Variants in ADAMTS18 observed in about 807,000 individuals in gnomAD.
ADAMTS18 encodes ADAM metallopeptidase with thrombospondin type 1 motif 18.
A neutral mutation model predicts 165.9 loss-of-function variants in ADAMTS18; 157 were observed. The observed-to-expected ratio is 0.95, with a 90% CI of 0.83 to 1.08. The LOEUF (loss-of-function observed/expected upper bound fraction) is 1.08. Ranked by LOEUF, ADAMTS18 falls within the 50% of genes least tolerant of loss-of-function variation. The pLI, the probability that ADAMTS18 is intolerant of heterozygous loss-of-function variation, is 0.00. For synonymous variants in ADAMTS18, 782 were observed against 578.2 expected, an observed-to-expected ratio of 1.35 and a Z score of -5.06; for missense variants, 2,040 against 1,534.0, an observed-to-expected ratio of 1.33 and a Z score of -5.51.
intron 16 of ADAMTS18, among the ~76,000 whole-genome samples, chr16:77,304,847 T>C (rs955775110): frequency 1.3e-5 from 2 of 152,238 alleles, no homozygotes; most frequent in African/African-American, 4.8e-5. Context: ...CAGTAGCATA[T>C]AGAGCATATT....
chr16:77,366,535 G>C (rs891599759), intron 4 of ADAMTS18, among the ~76,000 whole-genome samples: 1 of 152,026 alleles, frequency 6.6e-6, no homozygotes, highest in South Asian at 2.1e-4. Flanking sequence ...CTCCAGCCTG[G>C]GCGAAAGAGT....
chr16:77,347,835 C>G (rs2056500077), intron 10 of ADAMTS18, among the ~76,000 whole-genome samples: 4 of 152,226 alleles, frequency 2.6e-5, no homozygotes, highest in African/African-American at 9.6e-5. Context: ...CTACCCAGAT[C>G]CAATTTTAAT....
At chr16:77,325,614 T>C (rs1299968121) in intron 13 of ADAMTS18, among the ~76,000 whole-genome samples, 1 of 151,386 alleles carries the variant, frequency 6.6e-6, no homozygotes, top group African/African-American at 2.4e-5. Context: ...GAAACATGAG[T>C]TCATTCCAAA....
chr16:77,289,184 G>A, intron 22 of ADAMTS18, 80 bp downstream of exon 22: 1 of 1,543,702 alleles, frequency 6.5e-7, no homozygotes, highest in East Asian at 2.2e-5. Context: ...CAATGTCACA[G>A]GCTGCACTAC....
At chr16:77,292,280 C>T (rs12929297) in intron 20 of ADAMTS18, among the ~76,000 whole-genome samples, 53,220 of 152,066 alleles carry the variant, frequency 0.35, 11,645 homozygotes, top group Non-Finnish European at 0.49. Flanking sequence ...GACAACAGAG[C>T]AAGACCCTGT....
intron 16 of ADAMTS18, among the ~76,000 whole-genome samples, chr16:77,309,500 G>A (rs2055741635): frequency 6.6e-6 from 1 of 152,124 alleles, no homozygotes; most frequent in South Asian, 2.1e-4. Context: ...AGGACCCAAG[G>A]AGAATGGATG....
intron 3 of ADAMTS18, among the ~76,000 whole-genome samples, chr16:77,412,372 C>G (rs891177020): frequency 2.6e-5 from 4 of 151,974 alleles, no homozygotes; most frequent in African/African-American, 9.7e-5. Context: ...GTAACTCAGG[C>G]TAGAGTACAG....
At position 77,297,315 on chromosome 16, in the gene ADAMTS18, G is replaced by A. The variant is rs2055492337; in HGVS notation, c.2775C>T (p.Ile925=). The A allele has an allele frequency of 6.2e-7, 1 of 1,614,068 alleles. No individual in the cohort carries two copies. Among genetic ancestry groups the A allele is most frequent in the African/African-American group, 1.3e-5 (1 of 74,934 alleles). ...AAGCCGGGCAGGAGAAAGCGTTGCA[G>A]ATTTTGGGCTCAGTTACTGGCTTGG... The part of the protein sequence containing the change: ...AKTKPVTEPK[I]CNAFSCPAYW... Residue 925 remains isoleucine (I), a synonymous_variant, in exon 18 of 23, where the codon ATC becomes ATT. Coordinates refer to ENST00000282849, the MANE Select transcript of ADAMTS18 (RefSeq NM_199355.4).
intron 3 of ADAMTS18, among the ~76,000 whole-genome samples, chr16:77,428,615 T>C (rs1446887201): frequency 2.0e-5 from 3 of 152,118 alleles, no homozygotes; most frequent in Non-Finnish European, 4.4e-5. Context: ...AAGCTGCTTG[T>C]CAGTACTCAT....
At chr16:77,368,941 T>C (rs577437241) in intron 3 of ADAMTS18, among the ~76,000 whole-genome samples, 1 of 152,356 alleles carries the variant, frequency 6.6e-6, no homozygotes, top group South Asian at 2.1e-4. Context: ...TCTTCGTACC[T>C]GATTTTGCAG....
intron 17 of ADAMTS18, among the ~76,000 whole-genome samples, chr16:77,299,007 A>G (rs774017760): frequency 1.1e-4 from 17 of 152,222 alleles, no homozygotes; most frequent in Non-Finnish European, 2.2e-4. Context: ...TGTAAGTGGA[A>G]AGCAAATCAA....
Position 77,434,630 on chromosome 16 carries a change from C to G in ADAMTS18, c.66G>C (p.Leu22=). Residue 22 remains leucine (L), a synonymous_variant, in exon 1 of 23, where the codon CTG becomes CTC. Coordinates refer to ENST00000282849, the MANE Select transcript of ADAMTS18 (RefSeq NM_199355.4). ...CCTTGGCCACGCGCCCCAGTCCCGC[C>G]AGGCCCCTCGGCGGGCCCGAACCCG... The part of the protein sequence containing the change: ...PAAGSGPPRG[L]AGLGRVAKAL... The G allele has an allele frequency of 1.3e-6, 2 of 1,491,584 alleles. No homozygotes were observed. Among genetic ancestry groups the G allele is most frequent in the Non-Finnish European group, 1.8e-6 (2 of 1,128,066 alleles). 92.4% of individuals were successfully genotyped at this position (1,491,584 alleles called of 1,614,324 possible). A position where few individuals can be genotyped will look rare whatever the true frequency, so the allele number is the denominator to read the frequency against.
At chr16:77,404,264 T>A (rs1866424429) in intron 3 of ADAMTS18, among the ~76,000 whole-genome samples, 2 of 152,140 alleles carry the variant, frequency 1.3e-5, no homozygotes, top group Non-Finnish European at 2.9e-5. Flanking sequence ...CACAAGCCAA[T>A]AGATGCCTAT....
intron 10 of ADAMTS18, among the ~76,000 whole-genome samples, chr16:77,352,986 G>A (rs144751671): frequency 0.045 from 6,894 of 151,964 alleles, 242 homozygotes; most frequent in Non-Finnish European, 0.06. Context: ...AGGCTGAGGC[G>A]GGAGAATGGC....
intron 8 of ADAMTS18, among the ~76,000 whole-genome samples, chr16:77,356,629 T>TC (rs960466903): frequency 1.6e-5 from 1 of 62,864 alleles, no homozygotes; most frequent in Non-Finnish European, 5.0e-5. Flanking sequence ...ATAATAAACA[T>TC]TTTTTTAACA....
intron 3 of ADAMTS18, among the ~76,000 whole-genome samples, chr16:77,415,337 A>G (rs1246706336): frequency 6.6e-6 from 1 of 152,206 alleles, no homozygotes; most frequent in Non-Finnish European, 1.5e-5. Flanking sequence ...CAGAAATGAA[A>G]GTTAAACTAG....
chr16:77,381,019 T>G (rs175566), intron 3 of ADAMTS18, among the ~76,000 whole-genome samples: 132 of 152,156 alleles, frequency 8.7e-4, no homozygotes, highest in African/African-American at 3.1e-3. Context: ...GGATTACAAG[T>G]GCTGCCATCA....
intron 3 of ADAMTS18, among the ~76,000 whole-genome samples, chr16:77,393,208 G>A (rs1008797050): frequency 1.3e-5 from 2 of 152,150 alleles, no homozygotes; most frequent in African/African-American, 4.8e-5. Context: ...GCCATGCTCT[G>A]CCTAGAACCC....
At chr16:77,367,042 A>G (rs2056805317) in intron 4 of ADAMTS18, among the ~76,000 whole-genome samples, 1 of 152,044 alleles carries the variant, frequency 6.6e-6, no homozygotes, top group African/African-American at 2.4e-5. Flanking sequence ...TTTCACAGCT[A>G]CCTCCCTCAC....
Sources: gnomAD v4.1 joint callset for allele counts (sites outside exome capture counted in the v4.1 genomes callset) on GRCh38, gnomAD v4.1.1 for gene constraint, MANE v1.5 for transcripts, NCBI Gene and HGNC (gene_info 2026-07-23, HGNC 2026-07-21) for gene names.